The following OTUD7A variants were observed in gnomAD, a reference collection of about 807,000 sequenced individuals.
OTUD7A encodes the protein OTU domain-containing protein 7A.
Under a neutral mutation model 65.7 loss-of-function variants are expected in OTUD7A, and 12 were observed. The ratio of observed to expected loss-of-function variants is 0.18; its 90% CI spans 0.12 to 0.30. OTUD7A has a LOEUF of 0.30. Among genes scored for constraint, OTUD7A ranks in the 10% least tolerant of loss-of-function variants. OTUD7A has a pLI of 1.00. For missense variants in OTUD7A, 1,148 were observed against 1,304.8 expected (o/e 0.88, Z 1.85); for synonymous variants, 641 against 586.3 (o/e 1.09, Z -1.35).
Position 31,665,867 on chromosome 15 carries a change from C to T in OTUD7A, c.-99-8790G>A, listed in dbSNP as rs139863537. Among the ~76,000 whole-genome samples the T allele has an allele frequency of 3.8e-3, 582 of 152,194 alleles. 6 individuals carry two copies. The highest frequency in any genetic ancestry group is 6.9e-3 in the Non-Finnish European group (467 of 67,972). ...TTTGCTGAGAGTTTTAATCATAAAG[C>T]GATGCTGGATTTTGTTGAATGCTTT... On this transcript the variant is annotated intron_variant, in intron 1 of 12. Transcript: ENST00000307050.
chr15:31,667,629 AT>A (rs1227024817), intron 1 of OTUD7A, among the ~76,000 whole-genome samples: 1 of 152,268 alleles, frequency 6.6e-6, no homozygotes, highest in African/African-American at 2.4e-5. Flanking sequence ...TTTACATTCA[AT>A]GTTATTATTG....
chr15:31,663,282 C>CACACACA (rs974611178), intron 1 of OTUD7A, among the ~76,000 whole-genome samples: 51 of 150,474 alleles, frequency 3.4e-4, no homozygotes, highest in African/African-American at 1.3e-3. Context: ...CACACACACA[C>CACACACA]AAGTTTTTAA....
rs118012065 is a variant in OTUD7A, at chr15:31,491,706, C to T, written c.1172-4140G>A. 3.1e-3 allele frequency among the ~76,000 whole-genome samples: 468 copies of T among 152,210 alleles called. 1 individual carries two copies. The highest frequency in any genetic ancestry group is 5.4e-3 in the Non-Finnish European group (369 of 68,018). Reference sequence around the variant, plus strand: ...ACCACCACAAATATTCCTATAATAGCCTCTTAACACTTCTGAAACCCAAAG... The same window carrying T: ...ACCACCACAAATATTCCTATAATAGTCTCTTAACACTTCTGAAACCCAAAG... On this transcript the variant is annotated intron_variant, in intron 10 of 12. Transcript: ENST00000307050.
chr15:31,683,082 A>T (rs1361238359), intron 1 of OTUD7A, among the ~76,000 whole-genome samples: 1 of 152,222 alleles, frequency 6.6e-6, no homozygotes, highest in Non-Finnish European at 1.5e-5. Context: ...CCATTAAGAA[A>T]AAATAATTTA....
At chr15:31,746,678 T>C (rs1408515986) in intron 1 of OTUD7A, among the ~76,000 whole-genome samples, 2 of 152,096 alleles carry the variant, frequency 1.3e-5, no homozygotes, top group African/African-American at 4.8e-5. Context: ...GTATTTTTAG[T>C]AGAGACAGGG....
intron 1 of OTUD7A, among the ~76,000 whole-genome samples, chr15:31,803,709 C>T (rs1401995193): frequency 1.3e-5 from 2 of 152,174 alleles, no homozygotes; most frequent in Non-Finnish European, 2.9e-5. Flanking sequence ...AAGTTTCCAT[C>T]GCTGCAGTGA....
intron 3 of OTUD7A, among the ~76,000 whole-genome samples, chr15:31,632,691 C>A (rs1008883905): frequency 6.6e-6 from 1 of 152,222 alleles, no homozygotes; most frequent in African/African-American, 2.4e-5. Flanking sequence ...TTACTGCTGT[C>A]TTTTTGTTTG....
intron 5 of OTUD7A, among the ~76,000 whole-genome samples, chr15:31,533,234 ATTT>A (rs71110888): frequency 5.2e-5 from 7 of 135,814 alleles, no homozygotes; most frequent in Admixed American, 1.5e-4. Context: ...AGCAGGATAA[ATTT>A]TTTTTTTTTT....
chr15:31,780,016 A>G (rs1895494933), intron 1 of OTUD7A, among the ~76,000 whole-genome samples: 1 of 152,010 alleles, frequency 6.6e-6, no homozygotes, highest in South Asian at 2.1e-4. Flanking sequence ...TGCTCCCTCC[A>G]AGGAGGGAGC....
chr15:31,866,471 C>T (rs1035806610), intron 1 of OTUD7A, among the ~76,000 whole-genome samples: 3 of 152,180 alleles, frequency 2.0e-5, no homozygotes, highest in Non-Finnish European at 2.9e-5. Flanking sequence ...CCACTTCTCC[C>T]GTCTGTTACT....
chr15:31,856,852 C>T (rs1293179717), intron 1 of OTUD7A, among the ~76,000 whole-genome samples: 2 of 152,232 alleles, frequency 1.3e-5, no homozygotes, highest in East Asian at 1.9e-4. Flanking sequence ...TGAGCTCTTT[C>T]GCAGCCGGGA....
At chr15:31,765,908 C>CT in intron 1 of OTUD7A, 1 of 1,274,938 alleles carries the variant, frequency 7.8e-7, no homozygotes, top group South Asian at 1.2e-5. Context: ...TTCTTTTCTC[C>CT]TTTAGAGGTA....
At chr15:31,765,615 C>T (rs776091481) in intron 1 of OTUD7A, 10 of 569,938 alleles carry the variant, frequency 1.8e-5, no homozygotes, top group Non-Finnish European at 2.7e-5. Flanking sequence ...TCTATTTTGG[C>T]ACTACCTTAC....
chr15:31,737,221 A>G (rs1183211315), intron 1 of OTUD7A, among the ~76,000 whole-genome samples: 1 of 152,226 alleles, frequency 6.6e-6, no homozygotes, highest in East Asian at 1.9e-4. Flanking sequence ...AAAGACATTA[A>G]TATACTTAGA....
intron 1 of OTUD7A, among the ~76,000 whole-genome samples, chr15:31,696,489 C>T (rs1416088459): frequency 2.9e-4 from 36 of 124,354 alleles, no homozygotes; most frequent in African/African-American, 9.3e-4. Flanking sequence ...ACCCGGGCCC[C>T]GTGTCCTCCA....
At chr15:31,830,371 A>G (rs552454513) in intron 1 of OTUD7A, among the ~76,000 whole-genome samples, 78 of 152,338 alleles carry the variant, frequency 5.1e-4, no homozygotes, top group African/African-American at 1.7e-3. Flanking sequence ...AAAGGTCAAG[A>G]CAGCATTTCA....
At chr15:31,859,033 T>C (rs1897651370) in intron 1 of OTUD7A, among the ~76,000 whole-genome samples, 1 of 152,218 alleles carries the variant, frequency 6.6e-6, no homozygotes, top group African/African-American at 2.4e-5. Context: ...TTAGATAATC[T>C]ACACAAAAGT....
rs142935010 is a variant in OTUD7A, at chr15:31,567,837, G to C, written c.331+2181C>G. Among the ~76,000 whole-genome samples the C allele has an allele frequency of 2.0e-3, 307 of 152,374 alleles. 1 individual carries two copies. The highest frequency in any genetic ancestry group is 0.01 in the East Asian group (54 of 5,180). On this transcript the variant is annotated intron_variant, in intron 4 of 12. Transcript: ENST00000307050. Reference sequence around the variant, plus strand: ...GGTCCCAGATACAGTTCAGGCTGCTGCTTCAGAGGGTGCAAGCCATAAGCC... The same window carrying C: ...GGTCCCAGATACAGTTCAGGCTGCTCCTTCAGAGGGTGCAAGCCATAAGCC...
intron 4 of OTUD7A, among the ~76,000 whole-genome samples, chr15:31,562,241 C>T (rs957316665): frequency 5.9e-5 from 9 of 152,302 alleles, no homozygotes; most frequent in Middle Eastern, 3.4e-3. Context: ...GGCCTTGCCC[C>T]GCAGCACACC....
Sources: allele counts gnomAD v4.1 joint callset (sites outside exome capture counted in the v4.1 genomes callset), GRCh38; gene constraint gnomAD v4.1.1; transcripts MANE v1.5; gene names NCBI Gene and HGNC (gene_info 2026-07-23, HGNC 2026-07-21).